The following SCRIB variants were observed in gnomAD, a reference collection of about 807,000 sequenced individuals.
The protein encoded by SCRIB is scribble planar cell polarity protein, also known as protein scribble homolog.
Under a neutral mutation model 170.0 loss-of-function variants are expected in SCRIB, and 72 were observed. The observed-to-expected ratio is 0.42, with a 90% CI of 0.35 to 0.52. The LOEUF (loss-of-function observed/expected upper bound fraction) is 0.52, where lower values mean the gene tolerates loss of function less well. SCRIB is among the 20% of genes least tolerant of loss of function. The probability of loss-of-function intolerance (pLI) is 0.02; values close to 1 mark genes in which losing one functional copy is unlikely to be tolerated. For synonymous variants in SCRIB, 1,298 were observed against 1,044.3 expected (o/e 1.24, Z -4.68); for missense variants, 2,475 against 2,338.5 (o/e 1.06, Z -1.20).
Position 143,813,814 on chromosome 8 carries a change from C to T in SCRIB, c.356+4G>A. 3 of 1,608,238 alleles carry T rather than the reference C, an allele frequency of 1.9e-6. No individual in the cohort carries two copies. The highest frequency in any genetic ancestry group is 1.3e-5 in the African/African-American group (1 of 74,972). The stretch of plus-strand genomic sequence containing the variant: ...TACCGACCCCACCACAGGCTGCCAC[C>T]CACCTGGAGAGGGGGTTCCCGCTGA... On this transcript the variant is annotated splice_donor_region_variant and intron_variant, in intron 3 of 36. Coordinates refer to ENST00000356994, the MANE Select transcript of SCRIB (RefSeq NM_182706.5).
chr8:143,792,088 G>C lies in SCRIB; in HGVS notation c.4560C>G (p.Leu1520=). The change falls in exon 33 of 37, where the codon CTC becomes CTG. Residue 1520 remains leucine, a synonymous_variant. Transcript: ENST00000356994. ...EQDALRAQMV[L]SRSQEGRGTR... ...TGCCCCGGCCTTCCTGGGACCTGCT[G>C]AGGACCATCTGTGCTCGGAGAGCGT... 6.3e-7 allele frequency: 1 copy of C among 1,594,270 alleles called. No individual in the cohort carries two copies. The highest frequency in any genetic ancestry group is 8.5e-7 in the Non-Finnish European group (1 of 1,176,328).
rs1820083813 is a variant in SCRIB, at chr8:143,791,584, G to A, written c.4770+82C>T. 3.3e-6 allele frequency: 5 copies of A among 1,512,902 alleles called. 2 individuals carry two copies. The South Asian group carries it at 4.5e-5, about 14-fold the overall frequency. The allele number at this position is 1,512,902 out of a possible 1,614,324, so 93.7% of individuals were successfully genotyped here. A position where few individuals can be genotyped will look rare whatever the true frequency, so the allele number is the denominator to read the frequency against. ...AAGAGGCAGGGCCACGGCAGAGCGT[G>A]GGGAGGCCCTGCGGGAGCGGATGGG... On this transcript the variant is annotated intron_variant, in intron 35 of 36. Coordinates refer to ENST00000356994, the MANE Select transcript of SCRIB (RefSeq NM_182706.5).
Position 143,806,950 on chromosome 8 carries a change from A to T in SCRIB, c.2242T>A (p.Ser748Thr). 6.2e-7 allele frequency: 1 copy of T among 1,613,174 alleles called. No homozygotes were observed. Among genetic ancestry groups the T allele is most frequent in the Non-Finnish European group, 8.5e-7 (1 of 1,179,662 alleles). Reference sequence around the variant, plus strand: ...TCGTCGTCCCCCTTATAGGGTGTGGAGCCCTTGCCGCCCGCAATGCTGATG... The same window carrying T: ...TCGTCGTCCCCCTTATAGGGTGTGGTGCCCTTGCCGCCCGCAATGCTGATG... ...LGISIAGGKGSTPYKGDDEGI... is the reference protein window; with the variant it reads ...LGISIAGGKGTTPYKGDDEGI... The change falls in exon 17 of 37, where the codon TCC becomes ACC. Residue 748 changes from serine to threonine, a missense_variant. By Grantham distance (58) the Ser-to-Thr change is moderately conservative. This residue lies in a region of SCRIB where 1,966 missense variants were observed against 1,742.9 expected (regional missense o/e 1.13). Transcript: ENST00000356994.
chr8:143,810,234 A>G (rs550891684), intron 13 of SCRIB, among the ~76,000 whole-genome samples: 52 of 151,088 alleles, frequency 3.4e-4, no homozygotes, highest in African/African-American at 1.2e-3. Flanking sequence ...GCTCCCAGGC[A>G]CACCCACCAC....
intron 1 of SCRIB, among the ~76,000 whole-genome samples, chr8:143,814,664 C>G (rs1815959906): frequency 6.6e-6 from 1 of 152,186 alleles, no homozygotes; most frequent in Admixed American, 6.5e-5. Context: ...TACTGATCAC[C>G]CAGCACCCCA....
intron 15 of SCRIB, 79 bp downstream of exon 15, chr8:143,808,530 G>A: frequency 6.8e-7 from 1 of 1,481,170 alleles, no homozygotes; most frequent in Non-Finnish European, 9.0e-7. Flanking sequence ...TCAGGCCTCG[G>A]CCCTGCTCCT....
Position 143,815,586 on chromosome 8 carries a change from G to A in SCRIB, c.-214C>T. ...CGGGCCTGGGCAGGGGGCGCGGCCC[G>A]GCGGGTCTCAGACTCTTAGGAAGCG... On this transcript the variant is annotated 5_prime_UTR_variant, in exon 1 of 37. Transcript: ENST00000356994. The A allele has an allele frequency of 1.0e-6, 1 of 981,834 alleles. No individual in the cohort carries two copies. The highest frequency in any genetic ancestry group is 1.2e-6 in the Non-Finnish European group (1 of 828,476). The allele number at this position is 981,834 out of a possible 1,614,324, so 60.8% of individuals were successfully genotyped here.
chr8:143,804,585 C>A lies in SCRIB; in HGVS notation c.2992G>T (p.Gly998Trp). The change falls in exon 21 of 37, where the codon GGG (glycine) becomes TGG (tryptophan). Residue 998 changes from glycine to tryptophan, a missense_variant. Physicochemically the swap from Gly to Trp is radical, Grantham distance 184. Around this residue, in one of 3 missense-constraint regions of SCRIB, gnomAD observed 1,966 missense variants for 1,742.9 expected, o/e 1.13. Transcript: ENST00000356994. ...APSLLAAALE[G>W]PYPVEEIRLP... The stretch of plus-strand genomic sequence containing the variant: ...TGTCTCACCTCCACTGGGTATGGCC[C>A]TTCCAACGCGGCAGCCAGCAGGCTG... 1 of 1,513,216 alleles carries A rather than the reference C, an allele frequency of 6.6e-7. No homozygotes were observed. The highest frequency in any genetic ancestry group is 8.8e-7 in the Non-Finnish European group (1 of 1,135,770). 93.7% of individuals were successfully genotyped at this position (1,513,216 alleles called of 1,614,324 possible).
chr8:143,793,574 G>C, intron 28 of SCRIB: 1 of 362,724 alleles, frequency 2.8e-6, no homozygotes, highest in East Asian at 4.4e-5. Context: ...GGGGGGCAAG[G>C]ACCCCCAGAC....
rs370355668 is a variant in SCRIB, at chr8:143,805,048, G to A, written c.2671-34C>T. 2.6e-5 allele frequency: 41 copies of A among 1,582,236 alleles called. No homozygotes were observed. In the East Asian group the frequency reaches 3.5e-4, roughly 13 times the overall value. ...GAGGGTGGAGGAGGCAGGGCTGCCGGTGAGGCTGGAGTGCGGCTGTCAGCT... is the reference window on the plus strand; with the variant it reads ...GAGGGTGGAGGAGGCAGGGCTGCCGATGAGGCTGGAGTGCGGCTGTCAGCT... On this transcript the variant is annotated intron_variant, in intron 19 of 36. Coordinates refer to ENST00000356994, the MANE Select transcript of SCRIB (RefSeq NM_182706.5).
At position 143,791,411 on chromosome 8, in the gene SCRIB, G is replaced by A. The variant is rs1197811311; in HGVS notation, c.4800C>T (p.Ser1600=). The stretch of plus-strand genomic sequence containing the variant: ...CACCAGGGCTGGGAGATGGTTCCAG[G>A]GACCTCAACTCCTCAGCAAAGTCCG... ...QSPDFAEELR[S]LEPSPSPGPQ... Residue 1600 remains serine, a synonymous_variant, in exon 36 of 37, where the codon TCC becomes TCT. Coordinates refer to ENST00000356994, the MANE Select transcript of SCRIB (RefSeq NM_182706.5). 1 of 1,611,056 alleles carries A rather than the reference G, an allele frequency of 6.2e-7. No homozygotes were observed. Among genetic ancestry groups the A allele is most frequent in the African/African-American group, 1.3e-5 (1 of 74,998 alleles).
At chr8:143,796,073 C>T (rs10090912) in intron 24 of SCRIB, among the ~76,000 whole-genome samples, 4,832 of 152,066 alleles carry the variant, frequency 0.032, 276 homozygotes, top group African/African-American at 0.11. Context: ...GCGGAGGGGG[C>T]GTCTAGAAAG....
intron 21 of SCRIB, 100 bp from the exon 22 acceptor site, chr8:143,804,256 CGGGGG>C: frequency 1.1e-6 from 1 of 904,992 alleles, no homozygotes; most frequent in Non-Finnish European, 1.7e-6. Context: ...GGATGGCGGG[CGGGGG>C]CTGCCCTAAT....
chr8:143,792,020 G>A lies in SCRIB; in HGVS notation c.4628C>T (p.Ala1543Val), dbSNP rs782539078. 57 of 1,553,852 alleles carry A rather than the reference G, an allele frequency of 3.7e-5. No homozygotes were observed. The highest frequency in any genetic ancestry group is 8.3e-5 in the South Asian group (7 of 83,896). Residue 1543 changes from alanine to valine, a missense_variant, in exon 33 of 37, where the codon GCG becomes GTG. Ala to Val is a moderately conservative substitution (Grantham distance 64). Transcript: ENST00000356994. ...LERLAEAPSP[A>V]PTPSPTPVED... Reference sequence around the variant, plus strand: ...CACAGGGGTGGGCGACGGGGTGGGCGCAGGGGAAGGGGCCTCGGCCAGTCG... The same window carrying A: ...CACAGGGGTGGGCGACGGGGTGGGCACAGGGGAAGGGGCCTCGGCCAGTCG...
chr8:143,801,126 A>G (rs2130048880), intron 24 of SCRIB, among the ~76,000 whole-genome samples: 1 of 152,380 alleles, frequency 6.6e-6, no homozygotes, highest in East Asian at 1.9e-4. Context: ...CAGGGCTTGG[A>G]GCCTACAGGA....
At chr8:143,793,164 C>T (rs1386922947) in intron 28 of SCRIB, 81 bp from the exon 29 acceptor site, 1 of 749,594 alleles carries the variant, frequency 1.3e-6, no homozygotes, top group Non-Finnish European at 2.0e-6. Flanking sequence ...CGGCTGTCCC[C>T]CCGCCTGTCC....
chr8:143,809,484 GC>G, intron 14 of SCRIB, 66 bp downstream of exon 14: 1 of 1,533,402 alleles, frequency 6.5e-7, no homozygotes. Flanking sequence ...CCCAGCTGAG[GC>G]CCCGCAGGGG....
In SCRIB at chr8:143,804,643, G is replaced by T; in HGVS notation, c.2934C>A (p.Thr978=). 1 of 1,537,394 alleles carries T rather than the reference G, an allele frequency of 6.5e-7. No individual in the cohort carries two copies. Among genetic ancestry groups the T allele is most frequent in the East Asian group, 2.3e-5 (1 of 44,104 alleles). The change falls in exon 21 of 37, where the codon ACC becomes ACA. Residue 978 remains threonine (T), a synonymous_variant. Coordinates refer to ENST00000356994, the MANE Select transcript of SCRIB (RefSeq NM_182706.5). ...AVATTSITTA[T]PGVPGLPSLA... ...GGCTCGGCAACCCAGGCACCCCGGG[G>T]GTGGCAGTGGTTATGCTGGTGGTGG...
chr8:143,812,690 G>A, intron 8 of SCRIB, 127 bp downstream of exon 8: 1 of 1,293,974 alleles, frequency 7.7e-7, no homozygotes, highest in Non-Finnish European at 1.1e-6. Flanking sequence ...CCCAGGGACA[G>A]CTCCCAGAGC....
Sources: allele counts gnomAD v4.1 joint callset (sites outside exome capture counted in the v4.1 genomes callset), GRCh38; gene constraint gnomAD v4.1.1; regional missense constraint gnomAD v4.1.1; transcripts MANE v1.5; gene names NCBI Gene and HGNC (gene_info 2026-07-23, HGNC 2026-07-21).